Variants in CDH4 observed in about 807,000 individuals in gnomAD.
CDH4 encodes the protein cadherin-4.
A neutral mutation model predicts 86.0 loss-of-function variants in CDH4; 33 were observed. The observed-to-expected ratio is 0.38, with a 90% confidence interval of 0.29 to 0.51. The LOEUF (loss-of-function observed/expected upper bound fraction) is 0.51, where lower values mean the gene tolerates loss of function less well. CDH4 is among the 20% of genes least tolerant of loss of function. The probability of loss-of-function intolerance (pLI) is 0.86; values close to 1 mark genes in which losing one functional copy is unlikely to be tolerated. For synonymous variants in CDH4, 555 were observed against 549.4 expected, an observed-to-expected ratio of 1.01 and a Z score of -0.14; for missense variants, 1,114 against 1,307.4, an observed-to-expected ratio of 0.85 and a Z score of 2.28.
chr20:61,857,294 C>A (rs760402656), intron 6 of CDH4, among the ~76,000 whole-genome samples: 6 of 152,256 alleles, frequency 3.9e-5, no homozygotes, highest in African/African-American at 1.4e-4. Context: ...CCGAGGCCTT[C>A]GGCCCGGGCT....
At chr20:61,539,404 G>A (rs2086022556) in intron 2 of CDH4, among the ~76,000 whole-genome samples, 1 of 152,188 alleles carries the variant, frequency 6.6e-6, no homozygotes, top group Non-Finnish European at 1.5e-5. Context: ...GGAAGAGCTG[G>A]CTTCTTCTGA....
chr20:61,336,479 G>C (rs989880766), intron 2 of CDH4, among the ~76,000 whole-genome samples: 1 of 152,022 alleles, frequency 6.6e-6, no homozygotes, highest in Non-Finnish European at 1.5e-5. Flanking sequence ...CATGGCACCT[G>C]TTCCTCAGCA....
chr20:61,438,711 AT>A (rs1021774812), intron 2 of CDH4, among the ~76,000 whole-genome samples: 69 of 152,374 alleles, frequency 4.5e-4, no homozygotes, highest in African/African-American at 1.6e-3. Flanking sequence ...TCCAAAAAAA[AT>A]ATTGGTCAAA....
At chr20:61,484,461 C>T (rs2145582171) in intron 2 of CDH4, among the ~76,000 whole-genome samples, 1 of 152,318 alleles carries the variant, frequency 6.6e-6, no homozygotes, top group South Asian at 2.1e-4. Context: ...CAGCCTGCCC[C>T]ACTCTTCATC....
intron 4 of CDH4, among the ~76,000 whole-genome samples, chr20:61,783,247 T>C (rs1371629174): frequency 6.6e-6 from 1 of 152,260 alleles, no homozygotes; most frequent in Admixed American, 6.5e-5. Flanking sequence ...TTACCCAACA[T>C]TCTATCTGAA....
intron 2 of CDH4, among the ~76,000 whole-genome samples, chr20:61,358,906 G>A (rs1426497975): frequency 6.6e-6 from 1 of 152,162 alleles, no homozygotes; most frequent in Non-Finnish European, 1.5e-5. Context: ...GGGTGACGGG[G>A]GGGTTTACTC....
intron 2 of CDH4, among the ~76,000 whole-genome samples, chr20:61,545,734 G>A (rs997510307): frequency 6.6e-6 from 1 of 151,876 alleles, no homozygotes. Context: ...CCTGCACACC[G>A]AGACAGTGTG....
At chr20:61,534,544 G>A (rs1242674090) in intron 2 of CDH4, among the ~76,000 whole-genome samples, 1 of 152,154 alleles carries the variant, frequency 6.6e-6, no homozygotes, top group Non-Finnish European at 1.5e-5. Flanking sequence ...CACCTGATGT[G>A]GGAGGGCACG....
intron 2 of CDH4, among the ~76,000 whole-genome samples, chr20:61,411,684 C>CA (rs1436126264): frequency 2.6e-5 from 4 of 151,986 alleles, no homozygotes; most frequent in African/African-American, 9.7e-5. Flanking sequence ...GATTTGAGCT[C>CA]AAAAAAATCA....
At chr20:61,444,320 TCTGCAC>T (rs1423300902) in intron 2 of CDH4, among the ~76,000 whole-genome samples, 32 of 870 alleles carry the variant, frequency 0.037, no homozygotes, top group Non-Finnish European at 0.051. Context: ...TTTTTGTGTA[TCTGCAC>T]GTGTGTTTCT....
chr20:61,772,890 C>T, intron 3 of CDH4, 113 bp from the exon 4 acceptor site: 2 of 861,930 alleles, frequency 2.3e-6, no homozygotes, highest in Non-Finnish European at 3.4e-6. Flanking sequence ...CCCAGCGTTA[C>T]CCGCCTTCCC....
chr20:61,308,759 G>A (rs539803970), intron 2 of CDH4, among the ~76,000 whole-genome samples: 26 of 152,350 alleles, frequency 1.7e-4, no homozygotes, highest in East Asian at 5.8e-4. Flanking sequence ...GATTGCAGGC[G>A]GAGGAGAGGC....
Position 61,937,151 on chromosome 20 carries a change from T to C in CDH4, c.*208T>C, listed in dbSNP as rs920624255. On this transcript the variant is annotated 3_prime_UTR_variant, in exon 16 of 16. Coordinates refer to ENST00000614565, the MANE Select transcript of CDH4 (RefSeq NM_001794.5). ...GGCCGCTGCCCAGCACCGCGCTGGCTGGCACTGAAGGACAGCAAGAGGCAC... is the reference window on the plus strand; with the variant it reads ...GGCCGCTGCCCAGCACCGCGCTGGCCGGCACTGAAGGACAGCAAGAGGCAC... 17 of 320,364 alleles carry C rather than the reference T, an allele frequency of 5.3e-5. No individual in the cohort carries two copies. Among genetic ancestry groups the C allele is most frequent in the African/African-American group, 3.9e-4 (17 of 43,434 alleles). The allele number at this position is 320,364 out of a possible 1,614,324, so 19.8% of individuals were successfully genotyped here.
At chr20:61,558,869 G>A (rs770069981) in intron 2 of CDH4, among the ~76,000 whole-genome samples, 8 of 152,218 alleles carry the variant, frequency 5.3e-5, no homozygotes, top group Non-Finnish European at 8.8e-5. Context: ...TCCCCGTGGC[G>A]AGCACCGTGG....
intron 2 of CDH4, among the ~76,000 whole-genome samples, chr20:61,463,667 C>T (rs555491108): frequency 6.6e-6 from 1 of 152,300 alleles, no homozygotes; most frequent in South Asian, 2.1e-4. Context: ...ATGTAAGCCA[C>T]AGCACCAGAG....
chr20:61,785,662 C>CACCCAGGTGTGCAGGGCTCCT (rs1978843133), intron 4 of CDH4, among the ~76,000 whole-genome samples: 1 of 152,020 alleles, frequency 6.6e-6, no homozygotes, highest in East Asian at 1.9e-4. Context: ...GTAGAGCCCC[C>CACCCAGGTGTGCAGGGCTCCT]ACCCAGGTGT....
At chr20:61,727,104 C>T (rs551791647) in intron 2 of CDH4, among the ~76,000 whole-genome samples, 1 of 152,222 alleles carries the variant, frequency 6.6e-6, no homozygotes, top group South Asian at 2.1e-4. Flanking sequence ...CCATTGGAGC[C>T]ATCACCATCG....
At chr20:61,566,952 G>A (rs532007948) in intron 2 of CDH4, among the ~76,000 whole-genome samples, 3 of 152,276 alleles carry the variant, frequency 2.0e-5, no homozygotes, top group South Asian at 2.1e-4. Flanking sequence ...TGTTGCCAGC[G>A]GCGGTGATGG....
intron 2 of CDH4, among the ~76,000 whole-genome samples, chr20:61,260,270 A>G (rs2084121375): frequency 6.6e-6 from 1 of 152,196 alleles, no homozygotes; most frequent in Admixed American, 6.5e-5. Flanking sequence ...CACCTAGCAC[A>G]CTGGATTGCA....
Sources: gnomAD v4.1 joint callset for allele counts (sites outside exome capture counted in the v4.1 genomes callset) on GRCh38, gnomAD v4.1.1 for gene constraint, MANE v1.5 for transcripts, NCBI Gene and HGNC (gene_info 2026-07-23, HGNC 2026-07-21) for gene names.